PIP5K1C: variants seen among roughly 807,000 people sequenced by gnomAD.
PIP5K1C encodes phosphatidylinositol 4-phosphate 5-kinase type-1 gamma.
In PIP5K1C, 45 loss-of-function variants were observed where a neutral mutation model predicts 80.1. That is an observed-to-expected ratio of 0.56 (90% confidence interval 0.44 to 0.72). PIP5K1C has a LOEUF of 0.72. Ranked by LOEUF, PIP5K1C falls within the 30% of genes least tolerant of loss-of-function variation. PIP5K1C has a pLI of 0.00. For missense variants in PIP5K1C, 753 were observed against 954.6 expected, an observed-to-expected ratio of 0.79 and a Z score of 2.78; for synonymous variants, 498 against 420.1, an observed-to-expected ratio of 1.19 and a Z score of -2.27.
At chr19:3,695,163 C>T (rs533479568) in intron 1 of PIP5K1C, among the ~76,000 whole-genome samples, 2 of 152,342 alleles carry the variant, frequency 1.3e-5, no homozygotes, top group South Asian at 2.1e-4. Context: ...GAGGCAGTCC[C>T]GTTAGCACCA....
At chr19:3,646,082 C>G (rs2034202019) in intron 10 of PIP5K1C, 24 bp from the exon 11 acceptor site, 1 of 1,501,152 alleles carries the variant, frequency 6.7e-7, no homozygotes, top group Non-Finnish European at 9.3e-7. Flanking sequence ...GGGGGGGGTG[C>G]CCGGGGGCAG....
At chr19:3,697,284 T>C (rs1425758326) in intron 1 of PIP5K1C, among the ~76,000 whole-genome samples, 4 of 81,484 alleles carry the variant, frequency 4.9e-5, no homozygotes, top group African/African-American at 1.5e-4. Flanking sequence ...CCAAGCCGGA[T>C]AGAGGACCGA....
intron 1 of PIP5K1C, among the ~76,000 whole-genome samples, chr19:3,677,973 G>A (rs569309859): frequency 7.1e-4 from 95 of 133,104 alleles, no homozygotes; most frequent in African/African-American, 2.7e-3. Flanking sequence ...GGAGGATGGA[G>A]GAATAGAGGG....
At chr19:3,680,151 G>C (rs2035540879) in intron 1 of PIP5K1C, among the ~76,000 whole-genome samples, 2 of 152,214 alleles carry the variant, frequency 1.3e-5, no homozygotes, top group African/African-American at 4.8e-5. Context: ...GAGACTCCCA[G>C]CGTGGTGAAT....
chr19:3,641,119 G>A (rs1464348098), intron 15 of PIP5K1C, among the ~76,000 whole-genome samples: 1 of 151,972 alleles, frequency 6.6e-6, no homozygotes, highest in Non-Finnish European at 1.5e-5. Flanking sequence ...GGAGGCTGAG[G>A]CAGGAGAATC....
intron 12 of PIP5K1C, 54 bp from the exon 13 acceptor site, chr19:3,643,435 C>T: frequency 2.5e-6 from 4 of 1,606,550 alleles, no homozygotes; most frequent in Non-Finnish European, 2.5e-6. Context: ...CCCAAACACA[C>T]AGTCGATTCT....
chr19:3,699,513 G>A (rs2036230651), intron 1 of PIP5K1C, among the ~76,000 whole-genome samples: 1 of 152,204 alleles, frequency 6.6e-6, no homozygotes, highest in Non-Finnish European at 1.5e-5. Flanking sequence ...AGACGCTGCT[G>A]CTGGCTGCCT....
intron 3 of PIP5K1C, 82 bp from the exon 4 acceptor site, chr19:3,662,083 T>C (rs2034852758): frequency 2.0e-6 from 3 of 1,488,910 alleles, no homozygotes; most frequent in Non-Finnish European, 9.0e-7. Context: ...GGGGTGGAGA[T>C]CGTGACCAGC....
intron 1 of PIP5K1C, among the ~76,000 whole-genome samples, chr19:3,691,059 G>A (rs920627496): frequency 1.3e-5 from 2 of 152,152 alleles, no homozygotes; most frequent in South Asian, 2.1e-4. Context: ...GAGTCCCTTC[G>A]CCTCTAGTGG....
chr19:3,694,136 C>T (rs911732008), intron 1 of PIP5K1C, among the ~76,000 whole-genome samples: 6 of 148,998 alleles, frequency 4.0e-5, no homozygotes, highest in Admixed American at 6.8e-5. Flanking sequence ...GGCGTGAACC[C>T]GGGAGGTGGA....
intron 1 of PIP5K1C, among the ~76,000 whole-genome samples, chr19:3,697,839 C>A (rs2036173656): frequency 6.6e-6 from 1 of 152,272 alleles, no homozygotes; most frequent in Non-Finnish European, 1.5e-5. Flanking sequence ...GTGGGCACAG[C>A]CGCATCCCAA....
chr19:3,650,829 T>C (rs138343478), intron 8 of PIP5K1C, among the ~76,000 whole-genome samples: 102 of 152,212 alleles, frequency 6.7e-4, no homozygotes, highest in African/African-American at 2.4e-3. Flanking sequence ...CAATCTCAGC[T>C]CACTGCAACC....
intron 16 of PIP5K1C, chr19:3,636,964 C>G (rs1349770283): frequency 2.0e-6 from 2 of 1,017,156 alleles, no homozygotes; most frequent in East Asian, 2.1e-4. Flanking sequence ...GCTTGGGGAT[C>G]TGGATTTTGA....
intron 1 of PIP5K1C, among the ~76,000 whole-genome samples, chr19:3,697,344 G>GGGAGGACCGAGCCAGACAGA (rs1445621395): frequency 2.2e-5 from 3 of 137,478 alleles, no homozygotes; most frequent in Non-Finnish European, 3.1e-5. Flanking sequence ...AGCTGGACCG[G>GGGAGGACCGAGCCAGACAGA]GGAGGACCGA....
At position 3,670,879 on chromosome 19, in the gene PIP5K1C, A is replaced by G. The variant is rs562613215; in HGVS notation, c.95-3526T>C. On this transcript the variant is annotated intron_variant, in intron 1 of 17. Coordinates refer to ENST00000335312, the MANE Select transcript of PIP5K1C (RefSeq NM_012398.3). The stretch of plus-strand genomic sequence containing the variant: ...ATTCCGGCTGCCACGGTGAAGGGAA[A>G]GACGGGCTGCTTCTCTGTCCTTCCA... 3.2e-4 allele frequency among the ~76,000 whole-genome samples: 48 copies of G among 152,324 alleles called. 1 individual carries two copies. The highest frequency in any genetic ancestry group is 1.1e-3 in the African/African-American group (47 of 41,582).
In PIP5K1C at chr19:3,666,080, C is replaced by T. The variant is rs543745734; in HGVS notation, c.127-1166G>A. On this transcript the variant is annotated intron_variant, in intron 2 of 17. Coordinates refer to ENST00000335312, the MANE Select transcript of PIP5K1C (RefSeq NM_012398.3). ...CCCGCCACCCGGGCCACCCTCCACC[C>T]GCGCCACCCTCCACACTGCCCCCAC... 1.9e-4 allele frequency among the ~76,000 whole-genome samples: 29 copies of T among 152,290 alleles called. No homozygotes were observed. In the South Asian group the frequency reaches 4.6e-3, roughly 24 times the overall value.
intron 4 of PIP5K1C, 40 bp downstream of exon 4, chr19:3,661,831 T>C (rs1352393537): frequency 5.6e-6 from 9 of 1,607,310 alleles, no homozygotes; most frequent in Non-Finnish European, 7.6e-6. Flanking sequence ...GAGCCACGTG[T>C]GTGCTGGGTG....
intron 3 of PIP5K1C, 140 bp from the exon 4 acceptor site, chr19:3,662,141 G>A: frequency 9.4e-7 from 1 of 1,067,540 alleles, no homozygotes; most frequent in African/African-American, 1.6e-5. Context: ...GTGGTCCCCG[G>A]GGCTGCCTGT....
chr19:3,653,168 G>A (rs1480632425), intron 7 of PIP5K1C, 122 bp downstream of exon 7: 1 of 834,064 alleles, frequency 1.2e-6, no homozygotes, highest in Non-Finnish European at 1.9e-6. Flanking sequence ...GGGGCCTGCT[G>A]TAGGCTGCAG....
Sources: allele counts gnomAD v4.1 joint callset (sites outside exome capture counted in the v4.1 genomes callset), GRCh38; gene constraint gnomAD v4.1.1; transcripts MANE v1.5; gene names NCBI Gene and HGNC (gene_info 2026-07-23, HGNC 2026-07-21).